The following IL1R1 variants were observed in gnomAD, a reference collection of about 807,000 sequenced individuals.
IL1R1 encodes the protein interleukin-1 receptor type 1.
A neutral mutation model predicts 50.2 loss-of-function variants in IL1R1; 22 were observed. The observed-to-expected ratio is 0.44, with a 90% CI of 0.31 to 0.63. The LOEUF (loss-of-function observed/expected upper bound fraction) is 0.63, where lower values mean the gene tolerates loss of function less well. Among genes scored for constraint, IL1R1 ranks in the 20% least tolerant of loss-of-function variants. The pLI is 0.07. For synonymous variants in IL1R1, 251 were observed against 236.7 expected, an observed-to-expected ratio of 1.06 and a Z score of -0.55; for missense variants, 509 against 676.2, an observed-to-expected ratio of 0.75 and a Z score of 2.74.
At chr2:102,120,223 G>A (rs193284943) in intron 1 of IL1R1, among the ~76,000 whole-genome samples, 1 of 152,262 alleles carries the variant, frequency 6.6e-6, no homozygotes, top group Non-Finnish European at 1.5e-5. Flanking sequence ...GTGTGTGGGT[G>A]TTCATGTGTA....
rs1681990942 is a variant in IL1R1, at chr2:102,130,870, G to A, written c.-83-23071G>A. On this transcript the variant is annotated intron_variant, in intron 1 of 10. Transcript: ENST00000409329. ...ACAACTAAATTACTCTACAAAATAT[G>A]CAAAACCAGGGTTTTTAAGAATTGG... Among the ~76,000 whole-genome samples, 4 of 152,200 alleles carry A rather than the reference G, an allele frequency of 2.6e-5. No individual in the cohort carries two copies. The South Asian group carries it at 8.3e-4, about 32-fold the overall frequency.
chr2:102,160,461 A>G (rs1229844201), intron 3 of IL1R1, among the ~76,000 whole-genome samples: 2 of 151,988 alleles, frequency 1.3e-5, no homozygotes. Flanking sequence ...ATCTTACCAT[A>G]TTTTGACATT....
chr2:102,105,906 A>G (rs569729472), intron 1 of IL1R1, among the ~76,000 whole-genome samples: 2 of 152,304 alleles, frequency 1.3e-5, no homozygotes, highest in East Asian at 3.9e-4. Context: ...CTTGATCTCC[A>G]TAATTTATCC....
chr2:102,156,964 C>G (rs1429781312), intron 2 of IL1R1, among the ~76,000 whole-genome samples: 1 of 152,130 alleles, frequency 6.6e-6, no homozygotes, highest in Non-Finnish European at 1.5e-5. Context: ...AATTTAATCT[C>G]CCGTAAAAAT....
chr2:102,177,009 T>C lies in IL1R1; in HGVS notation c.*250T>C. ...GGCCCGGTGTGGTGGCTCACGCCTA[T>C]AATCCCAGCACTTTGGGAGGCTGAA... On this transcript the variant is annotated 3_prime_UTR_variant, in exon 12 of 12. Coordinates refer to ENST00000410023, the MANE Select transcript of IL1R1 (RefSeq NM_000877.4). 1 of 434,318 alleles carries C rather than the reference T, an allele frequency of 2.3e-6. No individual in the cohort carries two copies. The highest frequency in any genetic ancestry group is 3.2e-5 in the South Asian group (1 of 31,180). 26.9% of individuals were successfully genotyped at this position (434,318 alleles called of 1,614,324 possible). A position where few individuals can be genotyped will look rare whatever the true frequency, so the allele number is the denominator to read the frequency against.
chr2:102,167,989 A>C (rs1213090815), intron 6 of IL1R1, among the ~76,000 whole-genome samples: 1 of 152,078 alleles, frequency 6.6e-6, no homozygotes, highest in Admixed American at 6.6e-5. Context: ...CATGGTGTTC[A>C]CTTTTTTTTT....
intron 1 of IL1R1, among the ~76,000 whole-genome samples, chr2:102,095,620 C>G (rs1195209014): frequency 6.6e-6 from 1 of 152,108 alleles, no homozygotes; most frequent in East Asian, 1.9e-4. Flanking sequence ...TCCCTGCTTC[C>G]CCCCAGAAAT....
intron 1 of IL1R1, among the ~76,000 whole-genome samples, chr2:102,126,967 T>C (rs145597737): frequency 2.5e-4 from 38 of 152,354 alleles, no homozygotes; most frequent in African/African-American, 8.2e-4. Context: ...GCCCTTTTAA[T>C]GCAGAGGCCC....
intron 1 of IL1R1, among the ~76,000 whole-genome samples, chr2:102,144,608 G>A (rs948530654): frequency 2.0e-5 from 3 of 152,136 alleles, no homozygotes; most frequent in African/African-American, 7.2e-5. Context: ...TGAGTGGTGG[G>A]GAGACAGCGG....
upstream of IL1R1, among the ~76,000 whole-genome samples, chr2:102,101,967 G>A (rs143224378): frequency 2.5e-3 from 386 of 152,084 alleles, no homozygotes; most frequent in African/African-American, 8.9e-3. Context: ...GCAAAAGCGT[G>A]TGTGTGGGTG....
At chr2:102,151,416 G>A (rs1683641653) in intron 1 of IL1R1, among the ~76,000 whole-genome samples, 1 of 152,026 alleles carries the variant, frequency 6.6e-6, no homozygotes. Flanking sequence ...AAAAATGGTG[G>A]GTAGGTAGGT....
At chr2:102,133,828 G>C (rs1682182036) in intron 1 of IL1R1, among the ~76,000 whole-genome samples, 1 of 151,882 alleles carries the variant, frequency 6.6e-6, no homozygotes, top group African/African-American at 2.4e-5. Context: ...TATCCTCCTA[G>C]GATCAGGAAC....
rs1054221896 is a variant in IL1R1 at position 102,142,855 on chromosome 2, G to C, written c.-249G>C. On this transcript the variant is annotated 5_prime_UTR_variant, in exon 1 of 12. Transcript: ENST00000410023. ...GAGAGCGGCCGGGCCGGGCGGTGGG[G>C]GCGCCGGCCTGCCCCGCGCGCCCCA... 1.3e-5 allele frequency: 2 copies of C among 149,660 alleles called. No individual in the cohort carries two copies. The highest frequency in any genetic ancestry group is 4.9e-5 in the African/African-American group (2 of 41,234). 9.3% of individuals were successfully genotyped at this position (149,660 alleles called of 1,614,324 possible).
At chr2:102,114,411 G>A (rs1680952929) in intron 1 of IL1R1, among the ~76,000 whole-genome samples, 1 of 152,204 alleles carries the variant, frequency 6.6e-6, no homozygotes, top group Non-Finnish European at 1.5e-5. Context: ...CTTTCCTGTA[G>A]GGAAAATATG....
At chr2:102,084,218 G>T (rs1656271083) in intron 1 of IL1R1, among the ~76,000 whole-genome samples, 1 of 152,152 alleles carries the variant, frequency 6.6e-6, no homozygotes, top group South Asian at 2.1e-4. Flanking sequence ...TTAAACTAAA[G>T]ACAGCCCGTT....
At chr2:102,089,834 C>CT (rs36099195) in intron 1 of IL1R1, among the ~76,000 whole-genome samples, 3,295 of 134,246 alleles carry the variant, frequency 0.025, 98 homozygotes, top group African/African-American at 0.069. Context: ...TTTGGTTTAT[C>CT]TTTTTTTTTT....
At chr2:102,086,377 T>C (rs894308744) in intron 1 of IL1R1, among the ~76,000 whole-genome samples, 2 of 152,222 alleles carry the variant, frequency 1.3e-5, no homozygotes, top group African/African-American at 4.8e-5. Flanking sequence ...GGATATTTTC[T>C]TTATCATTGG....
Position 102,165,195 on chromosome 2 carries a change from C to A in IL1R1, c.377C>A (p.Ala126Asp). 6.2e-7 allele frequency: 1 copy of A among 1,607,302 alleles called. No individual in the cohort carries two copies. Among genetic ancestry groups the A allele is most frequent in the Admixed American group, 1.7e-5 (1 of 58,470 alleles). ...NEPNLCYNAQ[A>D]IFKQKLPVAG... ...CCTAACTTATGTTATAATGCACAAG[C>A]CATATTTAAGCAGAAACTACCCGTT... Residue 126 changes from alanine (A) to aspartate (D), a missense_variant, in exon 5 of 12, where the codon GCC (alanine) becomes GAC (aspartate). Physicochemically the swap from Ala to Asp is moderately radical, Grantham distance 126. Coordinates refer to ENST00000410023, the MANE Select transcript of IL1R1 (RefSeq NM_000877.4).
intron 1 of IL1R1, among the ~76,000 whole-genome samples, chr2:102,077,099 C>T (rs1394473797): frequency 6.6e-6 from 1 of 151,832 alleles, no homozygotes; most frequent in Non-Finnish European, 1.5e-5. Flanking sequence ...GAGAGAGAGT[C>T]TTGCTCTGTT....
Sources: gnomAD v4.1 joint callset for allele counts (sites outside exome capture counted in the v4.1 genomes callset) on GRCh38, gnomAD v4.1.1 for gene constraint, MANE v1.5 for transcripts, NCBI Gene and HGNC (gene_info 2026-07-23, HGNC 2026-07-21) for gene names.